The following RPS6KA2 variants were observed in gnomAD, a reference collection of about 807,000 sequenced individuals.
The protein encoded by RPS6KA2 is ribosomal protein S6 kinase A2.
A neutral mutation model predicts 91.8 loss-of-function variants in RPS6KA2; 42 were observed. The ratio of observed to expected loss-of-function variants is 0.46; its 90% CI spans 0.36 to 0.59. The LOEUF is 0.59. RPS6KA2 is among the 20% of genes least tolerant of loss of function. The pLI is 0.00. For missense variants in RPS6KA2, 798 were observed against 978.5 expected, an observed-to-expected ratio of 0.82 and a Z score of 2.46; for synonymous variants, 414 against 393.6, an observed-to-expected ratio of 1.05 and a Z score of -0.61.
At chr6:166,712,609 A>G (rs1282124003) in intron 2 of RPS6KA2, among the ~76,000 whole-genome samples, 1 of 152,106 alleles carries the variant, frequency 6.6e-6, no homozygotes. Context: ...GCCTGGGGAG[A>G]GTGCCATGCA....
At chr6:166,548,608 T>G (rs1783901721) in intron 1 of RPS6KA2, among the ~76,000 whole-genome samples, 1 of 152,220 alleles carries the variant, frequency 6.6e-6, no homozygotes, top group Admixed American at 6.5e-5. Flanking sequence ...TGACGAATGA[T>G]GCTGGAGCAC....
chr6:166,481,007 G>A (rs905206188), intron 10 of RPS6KA2, among the ~76,000 whole-genome samples: 33 of 152,140 alleles, frequency 2.2e-4, no homozygotes, highest in African/African-American at 8.0e-4. Context: ...TTTTTCTATA[G>A]AATAAAAATT....
At chr6:166,817,821 C>G (rs1002699190) in intron 2 of RPS6KA2, among the ~76,000 whole-genome samples, 1 of 151,684 alleles carries the variant, frequency 6.6e-6, no homozygotes, top group African/African-American at 2.4e-5. Flanking sequence ...CTCCCGGGTT[C>G]AAGTGATTCT....
chr6:166,665,594 C>T lies in RPS6KA2; in HGVS notation c.124-126810G>A, dbSNP rs1215790320. On this transcript the variant is annotated intron_variant, in intron 2 of 21. Transcript: ENST00000503859. The surrounding 1 kb of genome is among the most constrained non-coding windows in gnomAD (Gnocchi z 4.5). ...CACAGATGCAAACTACTTTCAGAAACGTGTTCTCTTCTGAAAGACTCCAGA... is the reference window on the plus strand; with the variant it reads ...CACAGATGCAAACTACTTTCAGAAATGTGTTCTCTTCTGAAAGACTCCAGA... Among the ~76,000 whole-genome samples, 3 of 152,062 alleles carry T rather than the reference C, an allele frequency of 2.0e-5. No homozygotes were observed. The highest frequency in any genetic ancestry group is 2.4e-5 in the African/African-American group (1 of 41,386).
chr6:166,500,934 A>C lies in RPS6KA2; in HGVS notation c.567-10T>G, dbSNP rs1782004541. 7 of 1,613,564 alleles carry C rather than the reference A, an allele frequency of 4.3e-6. No homozygotes were observed. The highest frequency in any genetic ancestry group is 5.9e-6 in the Non-Finnish European group (7 of 1,179,550). On this transcript the variant is annotated splice_polypyrimidine_tract_variant and intron_variant, in intron 6 of 20. Coordinates refer to ENST00000265678, the MANE Select transcript of RPS6KA2 (RefSeq NM_021135.6). This position sits in a 1 kb window ranked among gnomAD's most constrained non-coding sequence, Gnocchi z 4.3. The stretch of plus-strand genomic sequence containing the variant: ...TTCATCCAGGAGGATGCTAAAAGAA[A>C]GGGAGAGAAAACAGATGCTTTAGAA...
At chr6:166,768,511 G>A (rs777320381) in intron 2 of RPS6KA2, among the ~76,000 whole-genome samples, 29 of 151,218 alleles carry the variant, frequency 1.9e-4, no homozygotes, top group Non-Finnish European at 3.8e-4. Context: ...CTGCTTCAGA[G>A]GCTGAGTCTG....
rs191727474 is a variant in RPS6KA2 at position 166,789,196 on chromosome 6, G to A, written c.123+69004C>T. Among the ~76,000 whole-genome samples the A allele has an allele frequency of 3.1e-3, 476 of 152,288 alleles. 2 individuals carry two copies. The highest frequency in any genetic ancestry group is 4.5e-3 in the Non-Finnish European group (304 of 68,016). ...TTTTCCCACGGCCTTAAAAAACAGC[G>A]CACCAGGAGATTATATCCCACACCT... On this transcript the variant is annotated intron_variant, in intron 2 of 21. Coordinates refer to the RPS6KA2 transcript ENST00000503859.
At chr6:166,584,474 G>A (rs1205286847) in intron 1 of RPS6KA2, among the ~76,000 whole-genome samples, 1 of 152,192 alleles carries the variant, frequency 6.6e-6, no homozygotes, top group African/African-American at 2.4e-5. Flanking sequence ...ACCATACTCA[G>A]TGATGACAGG....
intron 2 of RPS6KA2, among the ~76,000 whole-genome samples, chr6:166,745,192 C>T (rs1790959839): frequency 6.9e-6 from 1 of 144,762 alleles, no homozygotes; most frequent in South Asian, 2.2e-4. Context: ...GCCCTTGTTG[C>T]CCAGGCTGGA....
intron 1 of RPS6KA2, among the ~76,000 whole-genome samples, chr6:166,590,039 C>G (rs1022692234): frequency 6.6e-5 from 10 of 152,030 alleles, no homozygotes; most frequent in African/African-American, 2.2e-4. Flanking sequence ...GGCAAGGGAA[C>G]TGGGGGGAAT....
intron 2 of RPS6KA2, among the ~76,000 whole-genome samples, chr6:166,824,568 GTGTGTC>G (rs1779985185): frequency 6.6e-6 from 1 of 152,080 alleles, no homozygotes; most frequent in Non-Finnish European, 1.5e-5. Context: ...GTGTGTCTAT[GTGTGTC>G]TGTGTCTGTG....
chr6:166,464,690 T>G (rs1408342521), intron 11 of RPS6KA2, among the ~76,000 whole-genome samples: 1 of 152,236 alleles, frequency 6.6e-6, no homozygotes, highest in Admixed American at 6.5e-5. Flanking sequence ...GTTCTCAGCA[T>G]GCTTCAGCCA....
At chr6:166,736,133 G>A (rs1374096660) in intron 2 of RPS6KA2, among the ~76,000 whole-genome samples, 1 of 152,208 alleles carries the variant, frequency 6.6e-6, no homozygotes, top group African/African-American at 2.4e-5. Flanking sequence ...AAATCTACTT[G>A]TGTGATATTA....
chr6:166,522,928 C>G (rs1170382128), intron 3 of RPS6KA2, among the ~76,000 whole-genome samples: 1 of 152,182 alleles, frequency 6.6e-6, no homozygotes, highest in Admixed American at 6.5e-5. Flanking sequence ...TTCTTCTATA[C>G]TCAAGTATTT....
chr6:166,856,692 G>C (rs1425881517), intron 2 of RPS6KA2, among the ~76,000 whole-genome samples: 1 of 152,164 alleles, frequency 6.6e-6, no homozygotes, highest in Non-Finnish European at 1.5e-5. Flanking sequence ...CAAAAGCCTA[G>C]GCAAGTATTC....
At position 166,436,755 on chromosome 6, in the gene RPS6KA2, G is replaced by A. The variant is rs1208991216; in HGVS notation, c.1333-4265C>T. On this transcript the variant is annotated intron_variant, in intron 14 of 20. Transcript: ENST00000265678. ...GTTTGCATGGGAAATGGCGCTCCCC[G>A]TCCTGGAAGGGAAGTCCCACAGACT... Among the ~76,000 whole-genome samples, 6 of 152,328 alleles carry A rather than the reference G, an allele frequency of 3.9e-5. No individual in the cohort carries two copies. In the East Asian group the frequency reaches 5.8e-4, roughly 15 times the overall value.
chr6:166,412,808 A>G lies in RPS6KA2; in HGVS notation c.2156T>C (p.Leu719Pro), dbSNP rs779178485. 1.3e-6 allele frequency: 2 copies of G among 1,592,826 alleles called. No homozygotes were observed. Among genetic ancestry groups the G allele is most frequent in the Admixed American group, 1.8e-5 (1 of 56,264 alleles). ...TCTCTTCATGCCTCTGCGCTGAGCC[A>G]GGTTGGATGACAGCACGGGCTCCAG... ...PRLEPVLSSN[L>P]AQRRGMKRLT... The change falls in exon 21 of 21, where the codon CTG becomes CCG. Residue 719 changes from leucine (L) to proline (P), a missense_variant. Leu to Pro is a moderately conservative substitution (Grantham distance 98). Transcript: ENST00000265678. This position sits in a 1 kb window ranked among gnomAD's most constrained non-coding sequence, Gnocchi z 4.3.
At chr6:166,469,326 G>GTTGT (rs1554277808) in intron 11 of RPS6KA2, among the ~76,000 whole-genome samples, 284 of 137,754 alleles carry the variant, frequency 2.1e-3, no homozygotes, top group African/African-American at 7.3e-3. Flanking sequence ...CGGCACTGTT[G>GTTGT]TTTTTTTTTT....
At chr6:166,764,425 G>A (rs1384470730) in intron 2 of RPS6KA2, among the ~76,000 whole-genome samples, 2 of 151,066 alleles carry the variant, frequency 1.3e-5, no homozygotes, top group Admixed American at 6.6e-5. Flanking sequence ...GTGCTGGAAC[G>A]CGGGGATCAG....
Sources: gnomAD v4.1 joint callset for allele counts (sites outside exome capture counted in the v4.1 genomes callset) on GRCh38, gnomAD v4.1.1 for gene constraint, Gnocchi (gnomAD v3.1) non-coding constraint, MANE v1.5 for transcripts, NCBI Gene and HGNC (gene_info 2026-07-23, HGNC 2026-07-21) for gene names.